Variants in IL16 observed in about 807,000 individuals in gnomAD.
IL16 encodes the protein pro-interleukin-16.
A neutral mutation model predicts 110.1 loss-of-function variants in IL16; 67 were observed. The ratio of observed to expected loss-of-function variants is 0.61; its 90% CI spans 0.50 to 0.75. IL16 has a LOEUF of 0.75. Ranked by LOEUF, IL16 falls within the 30% of genes least tolerant of loss-of-function variation. The pLI is 0.00. For synonymous variants in IL16, 689 were observed against 662.9 expected, an observed-to-expected ratio of 1.04 and a Z score of -0.61; for missense variants, 1,545 against 1,655.0, an observed-to-expected ratio of 0.93 and a Z score of 1.15.
upstream of IL16, among the ~76,000 whole-genome samples, chr15:81,194,306 A>G (rs1895545382): frequency 6.6e-6 from 1 of 152,078 alleles, no homozygotes; most frequent in Non-Finnish European, 1.5e-5. Context: ...ATAGGAGATG[A>G]CCCTGTTGTG....
At chr15:81,199,414 C>T (rs1342161449) in intron 1 of IL16, among the ~76,000 whole-genome samples, 4 of 152,108 alleles carry the variant, frequency 2.6e-5, no homozygotes, top group Non-Finnish European at 5.9e-5. Context: ...GGTGGAAGGG[C>T]GGAGCCCATC....
intron 15 of IL16, among the ~76,000 whole-genome samples, chr15:81,301,770 G>C (rs1376152396): frequency 2.0e-5 from 3 of 152,164 alleles, no homozygotes; most frequent in Non-Finnish European, 4.4e-5. Context: ...GAAAGGTAAG[G>C]CTCAATCAAG....
chr15:81,202,383 C>A (rs1364930583), intron 1 of IL16, among the ~76,000 whole-genome samples: 1 of 152,052 alleles, frequency 6.6e-6, no homozygotes, highest in Non-Finnish European at 1.5e-5. Flanking sequence ...GAAGTGTTAT[C>A]CAAAAATAGG....
chr15:81,300,696 A>C (rs1451707977), intron 14 of IL16, among the ~76,000 whole-genome samples: 1 of 152,100 alleles, frequency 6.6e-6, no homozygotes, highest in Non-Finnish European at 1.5e-5. Flanking sequence ...AGGAGTTTTC[A>C]CAACATCTGG....
intron 3 of IL16, among the ~76,000 whole-genome samples, chr15:81,262,388 T>C (rs1363398773): frequency 1.3e-5 from 2 of 152,248 alleles, no homozygotes; most frequent in Non-Finnish European, 2.9e-5. Context: ...TGACTATATA[T>C]ACTTCTAATT....
intron 2 of IL16, among the ~76,000 whole-genome samples, chr15:81,247,290 A>T (rs1285266392): frequency 6.6e-6 from 1 of 151,912 alleles, no homozygotes; most frequent in Non-Finnish European, 1.5e-5. Flanking sequence ...TAATATAAGC[A>T]CTTGAGATAA....
chr15:81,288,177 C>T (rs188174948), intron 10 of IL16, among the ~76,000 whole-genome samples: 7 of 152,204 alleles, frequency 4.6e-5, no homozygotes, highest in Admixed American at 6.5e-5. Context: ...CACCCTAGGC[C>T]GTGGAGATCC....
chr15:81,193,001 G>A (rs1038399959), upstream of IL16, among the ~76,000 whole-genome samples: 3 of 152,146 alleles, frequency 2.0e-5, no homozygotes, highest in African/African-American at 7.2e-5. Flanking sequence ...ACCATATTTA[G>A]CCCAAACAAA....
intron 1 of IL16, among the ~76,000 whole-genome samples, chr15:81,202,569 G>A (rs1377186528): frequency 2.7e-5 from 4 of 149,722 alleles, no homozygotes; most frequent in African/African-American, 9.8e-5. Flanking sequence ...GTGAGAACAT[G>A]CAGTGTTTGG....
intron 1 of IL16, among the ~76,000 whole-genome samples, chr15:81,186,493 C>T (rs968365704): frequency 2.0e-5 from 3 of 152,156 alleles, no homozygotes; most frequent in African/African-American, 7.2e-5. Context: ...TGCTTCCACT[C>T]GACATTGGGT....
intron 2 of IL16, among the ~76,000 whole-genome samples, chr15:81,258,756 GCTCTCT>G (rs373777676): frequency 6.8e-5 from 10 of 147,342 alleles, no homozygotes; most frequent in Non-Finnish European, 1.3e-4. Flanking sequence ...TCTGTCACTC[GCTCTCT>G]CTCTCTCTCT....
chr15:81,238,746 C>A (rs1168488696), intron 2 of IL16, among the ~76,000 whole-genome samples: 1 of 150,912 alleles, frequency 6.6e-6, no homozygotes, highest in African/African-American at 2.4e-5. Flanking sequence ...AGGTTCCAGA[C>A]ATTTTATCAT....
At chr15:81,264,354 T>C (rs1898282565) in intron 3 of IL16, among the ~76,000 whole-genome samples, 1 of 151,818 alleles carries the variant, frequency 6.6e-6, no homozygotes, top group African/African-American at 2.4e-5. Context: ...GACCAAAACC[T>C]CTCCCTTCTT....
intron 18 of IL16, among the ~76,000 whole-genome samples, chr15:81,308,402 T>C (rs565975927): frequency 4.2e-4 from 64 of 152,188 alleles, no homozygotes; most frequent in Non-Finnish European, 7.6e-4. Context: ...CCAAAGGCCA[T>C]GGAGAGCTGG....
intron 3 of IL16, among the ~76,000 whole-genome samples, chr15:81,263,044 T>C (rs985760812): frequency 2.6e-5 from 4 of 152,254 alleles, no homozygotes; most frequent in African/African-American, 9.6e-5. Flanking sequence ...TTGTTTGTTC[T>C]TGGCCTCTTG....
At chr15:81,256,070 C>G (rs1348329695) in intron 2 of IL16, among the ~76,000 whole-genome samples, 2 of 152,176 alleles carry the variant, frequency 1.3e-5, no homozygotes, top group African/African-American at 4.8e-5. Flanking sequence ...CCCACTCTTG[C>G]TAATTCATGA....
intron 3 of IL16, among the ~76,000 whole-genome samples, chr15:81,261,202 C>CA (rs1237212381): frequency 2.0e-5 from 3 of 152,182 alleles, no homozygotes; most frequent in African/African-American, 7.2e-5. Context: ...GATTGCTGTT[C>CA]AAAAAATATA....
At chr15:81,236,580 A>G (rs1447653177) in intron 2 of IL16, among the ~76,000 whole-genome samples, 1 of 152,178 alleles carries the variant, frequency 6.6e-6, no homozygotes, top group East Asian at 1.9e-4. Flanking sequence ...CCTGAAAGCT[A>G]GTTTTAGGAG....
chr15:81,201,349 T>C (rs1049279475), intron 1 of IL16, among the ~76,000 whole-genome samples: 2 of 152,078 alleles, frequency 1.3e-5, no homozygotes, highest in African/African-American at 4.8e-5. Context: ...CATCAAAATC[T>C]GAAAAATTCT....
Sources: gnomAD v4.1 joint callset for allele counts (sites outside exome capture counted in the v4.1 genomes callset) on GRCh38, gnomAD v4.1.1 for gene constraint, MANE v1.5 for transcripts, NCBI Gene and HGNC (gene_info 2026-07-23, HGNC 2026-07-21) for gene names.